Variants in PCIF1 observed in about 807,000 individuals in gnomAD.
The protein encoded by PCIF1 is phosphorylated CTD interacting factor 1.
In PCIF1, 12 loss-of-function variants were observed where a neutral mutation model predicts 86.9. The observed-to-expected ratio is 0.14, with a 90% CI of 0.09 to 0.22. The LOEUF (loss-of-function observed/expected upper bound fraction) is 0.22, where lower values mean the gene tolerates loss of function less well. Among genes scored for constraint, PCIF1 ranks in the 10% least tolerant of loss-of-function variants. The pLI is 1.00. For synonymous variants in PCIF1, 397 were observed against 372.0 expected, an observed-to-expected ratio of 1.07 and a Z score of -0.77; for missense variants, 701 against 951.1, an observed-to-expected ratio of 0.74 and a Z score of 3.46.
rs776895927 is a variant in PCIF1 at position 45,945,866 on chromosome 20, A to C, written c.1324A>C (p.Asn442His). 62 of 1,613,678 alleles carry C rather than the reference A, an allele frequency of 3.8e-5. No individual in the cohort carries two copies. Among genetic ancestry groups the C allele is most frequent in the Non-Finnish European group, 5.2e-5 (61 of 1,180,022 alleles). ...GGGAGAGATGGTCAAGGTCAGCCGCAACTACTTCAGCAAGCTGGTAAGAGC... is the reference window on the plus strand; with the variant it reads ...GGGAGAGATGGTCAAGGTCAGCCGCCACTACTTCAGCAAGCTGGTAAGAGC... The part of the protein sequence containing the change: ...YKGEMVKVSR[N>H]YFSKLWLLYR... The change falls in exon 12 of 17, where the codon AAC (asparagine) becomes CAC (histidine). Residue 442 changes from asparagine (N) to histidine (H), a missense_variant. By Grantham distance (68) the Asn-to-His change is moderately conservative. Transcript: ENST00000372409.
At chr20:45,939,991 A>G (rs932451733) in intron 4 of PCIF1, among the ~76,000 whole-genome samples, 6 of 152,224 alleles carry the variant, frequency 3.9e-5, no homozygotes, top group Non-Finnish European at 8.8e-5. Flanking sequence ...TAATAGGCAG[A>G]GCAGGACGCA....
At chr20:45,939,381 T>A in intron 4 of PCIF1, 42 bp downstream of exon 4, 6 of 1,609,254 alleles carry the variant, frequency 3.7e-6, no homozygotes, top group Non-Finnish European at 5.1e-6. Flanking sequence ...GAGTGGCCTC[T>A]GGCACCTGGG....
rs1476450000 is a variant in PCIF1 at position 45,947,000 on chromosome 20, T to TG, written c.1614-67dup. On this transcript the variant is annotated intron_variant, in intron 14 of 16. Coordinates refer to ENST00000372409, the MANE Select transcript of PCIF1 (RefSeq NM_022104.4). ...TCTCTTCAGTGTGGCTGCCTAGGGTTGGGGGGTGGCACCTGTTTCTGGTTG... is the reference window on the plus strand; with the variant it reads ...TCTCTTCAGTGTGGCTGCCTAGGGTTGGGGGGGTGGCACCTGTTTCTGGTTG... The TG allele has an allele frequency of 3.1e-6, 4 of 1,307,244 alleles. No individual in the cohort carries two copies. In the Admixed American group the frequency reaches 7.8e-5, roughly 26 times the overall value. 81.0% of individuals were successfully genotyped at this position (1,307,244 alleles called of 1,614,324 possible). A position where few individuals can be genotyped will look rare whatever the true frequency, so the allele number is the denominator to read the frequency against.
chr20:45,934,886 C>T (rs2083403087), intron 1 of PCIF1, 82 bp downstream of exon 1: 2 of 397,490 alleles, frequency 5.0e-6, no homozygotes, highest in Non-Finnish European at 8.9e-6. Flanking sequence ...GCGGCCCCTC[C>T]GGCGCTTTCT....
In PCIF1 at chr20:45,947,242, A is replaced by G. The variant is rs549625849; in HGVS notation, c.1708-21A>G. On this transcript the variant is annotated intron_variant, in intron 15 of 16. Coordinates refer to ENST00000372409, the MANE Select transcript of PCIF1 (RefSeq NM_022104.4). This position sits in a 1 kb window ranked among gnomAD's most constrained non-coding sequence, Gnocchi z 5.4. ...ACCTGGGAGGTAGTCCCTGACATCC[A>G]CCCTGTGTCCCCTTCCACAGAGACT... 2.5e-6 allele frequency: 4 copies of G among 1,603,230 alleles called. No individual in the cohort carries two copies. Among genetic ancestry groups the G allele is most frequent in the South Asian group, 1.1e-5 (1 of 90,374 alleles).
chr20:45,939,035 A>G lies in PCIF1; in HGVS notation c.36A>G (p.Glu12=). 1 of 1,613,964 alleles carries G rather than the reference A, an allele frequency of 6.2e-7. No individual in the cohort carries two copies. Among genetic ancestry groups the G allele is most frequent in the Non-Finnish European group, 8.5e-7 (1 of 1,179,960 alleles). ...ANENHGSPRE[E]ASLLSHSPGT... ...AGAATCACGGCAGCCCCCGGGAGGA[A>G]GCGTCCCTGCTGAGTCACTCCCCAG... is the stretch of plus-strand genomic sequence containing the variant. Residue 12 remains glutamate (E), a synonymous_variant, in exon 3 of 17, where the codon GAA becomes GAG. Transcript: ENST00000372409.
In PCIF1 at chr20:45,944,870, T is replaced by G; in HGVS notation, c.1008T>G (p.Asp336Glu). Reference sequence around the variant, plus strand: ...CTGATCCAGAATGTGTCCTCTAGGATCGCCTGGAGCATCTGCGGAGGCAGT... The same window carrying G: ...CTGATCCAGAATGTGTCCTCTAGGAGCGCCTGGAGCATCTGCGGAGGCAGT... ...DHSASKEDYM[D>E]RLEHLRRQCG... The change falls in exon 11 of 17, where the codon GAT (aspartate) becomes GAG (glutamate). Residue 336 changes from aspartate (D) to glutamate (E), a missense_variant and splice_region_variant. Coordinates refer to ENST00000372409, the MANE Select transcript of PCIF1 (RefSeq NM_022104.4). 8 of 1,612,818 alleles carry G rather than the reference T, an allele frequency of 5.0e-6. No homozygotes were observed. The highest frequency in any genetic ancestry group is 6.8e-6 in the Non-Finnish European group (8 of 1,179,300).
chr20:45,940,787 AC>A lies in PCIF1; in HGVS notation c.388-20del, dbSNP rs139030017. Reference sequence around the variant, plus strand: ...TCTCTGGTGAATCTCCTGACTTGACACCTTTGTGACTTTCACTACAGATTGA... The same window carrying A: ...TCTCTGGTGAATCTCCTGACTTGACACTTTGTGACTTTCACTACAGATTGA... On this transcript the variant is annotated intron_variant, in intron 5 of 16. Coordinates refer to ENST00000372409, the MANE Select transcript of PCIF1 (RefSeq NM_022104.4). 2.1e-3 allele frequency: 3,417 copies of A among 1,610,686 alleles called. 67 individuals are homozygous for A. The African/African-American group carries it at 0.04, about 19-fold the overall frequency.
chr20:45,937,389 C>A (rs181730179), intron 1 of PCIF1, 29 bp from the exon 2 acceptor site: 1 of 399,362 alleles, frequency 2.5e-6, no homozygotes. Context: ...TCCCACAGGT[C>A]TGTGACTGTT....
chr20:45,934,930 C>A, intron 1 of PCIF1, 126 bp downstream of exon 1: 1 of 396,200 alleles, frequency 2.5e-6, no homozygotes, highest in Non-Finnish European at 4.4e-6. Flanking sequence ...TCTCTGTTGC[C>A]GCCGCCATCT....
Position 45,941,075 on chromosome 20 carries a change from C to T in PCIF1, c.541C>T (p.Gln181Ter). The change falls in exon 7 of 17, where the codon CAG (glutamine) becomes TAG (stop). Residue 181 changes from glutamine to a stop codon, truncating the protein, a stop_gained. Coordinates refer to ENST00000372409, the MANE Select transcript of PCIF1 (RefSeq NM_022104.4). LOFTEE classifies it high-confidence loss of function. ...PTEVYWDLDIQTNAVIKHRGP... is the reference protein window; with the variant it reads ...PTEVYWDLDI ...AAGGGTCTACTGGGACCTGGACATC[C>T]AGACCAATGCTGTCATCAAGCACCG... 1 of 1,614,214 alleles carries T rather than the reference C, an allele frequency of 6.2e-7. No individual in the cohort carries two copies. Among genetic ancestry groups the T allele is most frequent in the South Asian group, 1.1e-5 (1 of 91,080 alleles).
chr20:45,938,918 G>A (rs1356515465), intron 2 of PCIF1, 63 bp from the exon 3 acceptor site: 4 of 1,586,664 alleles, frequency 2.5e-6, no homozygotes, highest in Admixed American at 1.7e-5. Context: ...CTGGGGCCCT[G>A]GGTGGATTGT....
intron 4 of PCIF1, among the ~76,000 whole-genome samples, chr20:45,940,163 A>G (rs1381060027): frequency 6.6e-6 from 1 of 152,212 alleles, no homozygotes; most frequent in Non-Finnish European, 1.5e-5. Flanking sequence ...ATAATGTGTA[A>G]TGAGTACTGA....
intron 1 of PCIF1, among the ~76,000 whole-genome samples, chr20:45,936,457 G>A (rs1165733859): frequency 6.6e-6 from 1 of 150,522 alleles, no homozygotes; most frequent in South Asian, 2.1e-4. Context: ...CCAAAGTGCT[G>A]GGATTACAGG....
In PCIF1 at chr20:45,947,897, C is replaced by T; in HGVS notation, c.*142C>T. The T allele has an allele frequency of 6.5e-7, 1 of 1,533,886 alleles. No individual in the cohort carries two copies. The highest frequency in any genetic ancestry group is 8.7e-7 in the Non-Finnish European group (1 of 1,146,556). Reference sequence around the variant, plus strand: ...CAGGGCTCCCCTCCCTGCCTGTCCCCAAGTCCTCACCTCAAACTCCCTCCA... The same window carrying T: ...CAGGGCTCCCCTCCCTGCCTGTCCCTAAGTCCTCACCTCAAACTCCCTCCA... On this transcript the variant is annotated 3_prime_UTR_variant, in exon 17 of 17. Coordinates refer to ENST00000372409, the MANE Select transcript of PCIF1 (RefSeq NM_022104.4). This position sits in a 1 kb window ranked among gnomAD's most constrained non-coding sequence, Gnocchi z 5.4.
intron 4 of PCIF1, among the ~76,000 whole-genome samples, chr20:45,940,198 C>T (rs952596125): frequency 1.3e-5 from 2 of 152,168 alleles, no homozygotes; most frequent in East Asian, 1.9e-4. Context: ...CCATGTTAAG[C>T]AGGTCATATT....
intron 2 of PCIF1, chr20:45,937,903 A>G (rs1389613969): frequency 1.2e-5 from 3 of 250,172 alleles, no homozygotes; most frequent in Non-Finnish European, 2.3e-5. Flanking sequence ...AACCAATCAG[A>G]GCTTCTGATC....
Position 45,938,717 on chromosome 20 carries a change from C to T in PCIF1, c.-19-264C>T, listed in dbSNP as rs371868408. Among the ~76,000 whole-genome samples, 16 of 152,178 alleles carry T rather than the reference C, an allele frequency of 1.1e-4. No homozygotes were observed. In the South Asian group the frequency reaches 1.5e-3, roughly 14 times the overall value. ...GGGAGGGGAGAGTCAAGGAAGGCTT[C>T]CTGGAGGATGTGAACCCAGTAGCAA... On this transcript the variant is annotated intron_variant, in intron 2 of 16. Coordinates refer to ENST00000372409, the MANE Select transcript of PCIF1 (RefSeq NM_022104.4).
chr20:45,946,289 C>G lies in PCIF1; in HGVS notation c.1518C>G (p.Gly506=). ...HVFEALHRLF[G]VSFECFASPL... is the part of the protein sequence containing the mutation. ...TTGAGGCCCTCCACCGACTCTTTGG[C>G]GTCAGCTTCGAGTGCTTCGCCTCAC... Residue 506 remains glycine, a synonymous_variant, in exon 14 of 17, where the codon GGC becomes GGG. Coordinates refer to ENST00000372409, the MANE Select transcript of PCIF1 (RefSeq NM_022104.4). 6.2e-7 allele frequency: 1 copy of G among 1,614,170 alleles called. No individual in the cohort carries two copies.
Sources: allele counts gnomAD v4.1 joint callset (sites outside exome capture counted in the v4.1 genomes callset), GRCh38; gene constraint gnomAD v4.1.1; non-coding constraint Gnocchi (gnomAD v3.1); transcripts MANE v1.5; gene names NCBI Gene and HGNC (gene_info 2026-07-23, HGNC 2026-07-21).